Variants in CACNA1I observed in about 807,000 individuals in gnomAD.
CACNA1I encodes calcium voltage-gated channel subunit alpha1 I.
Under a neutral mutation model 201.6 loss-of-function variants are expected in CACNA1I, and 74 were observed. That is an observed-to-expected ratio of 0.37 (90% CI 0.30 to 0.45). The LOEUF (loss-of-function observed/expected upper bound fraction) is 0.45, where lower values mean the gene tolerates loss of function less well. CACNA1I is among the 20% of genes least tolerant of loss of function. CACNA1I has a pLI of 1.00. For synonymous variants in CACNA1I, 1,431 were observed against 1,345.2 expected (o/e 1.06, Z -1.40); for missense variants, 2,346 against 3,138.1 (o/e 0.75, Z 6.03).
chr22:39,630,381 G>A (rs535594245), intron 4 of CACNA1I, among the ~76,000 whole-genome samples: 15 of 152,352 alleles, frequency 9.8e-5, no homozygotes, highest in Admixed American at 3.3e-4. Context: ...TGAGCCTCAC[G>A]AGGACAGGGA....
At chr22:39,589,260 G>A (rs936764924) in intron 1 of CACNA1I, among the ~76,000 whole-genome samples, 2 of 152,146 alleles carry the variant, frequency 1.3e-5, no homozygotes, top group African/African-American at 4.8e-5. Context: ...TAACACAGAC[G>A]TGCCTGTTCT....
In CACNA1I at chr22:39,616,492, C is replaced by T. The variant is rs543968447; in HGVS notation, c.483-2818C>T. Reference sequence around the variant, plus strand: ...GAAAACACTCTTTGTCGGCTGGGCACGGTGGCTCACGCCTGTAATCCCAGC... The same window carrying T: ...GAAAACACTCTTTGTCGGCTGGGCATGGTGGCTCACGCCTGTAATCCCAGC... On this transcript the variant is annotated intron_variant, in intron 3 of 36. Transcript: ENST00000402142. Among the ~76,000 whole-genome samples the T allele has an allele frequency of 6.6e-4, 101 of 152,160 alleles. 1 individual carries two copies. The highest frequency in any genetic ancestry group is 2.2e-3 in the African/African-American group (92 of 41,502).
Position 39,684,964 on chromosome 22 carries a change from G to C in CACNA1I, c.6027+466G>C, listed in dbSNP as rs1399858765. Reference sequence around the variant, plus strand: ...AGGGTCCCCCGTACTGGATTGGCCAGGGCCACAGCCCTCCTACCCACGGGC... The same window carrying C: ...AGGGTCCCCCGTACTGGATTGGCCACGGCCACAGCCCTCCTACCCACGGGC... On this transcript the variant is annotated intron_variant, in intron 36 of 36. Transcript: ENST00000402142. The surrounding 1 kb of genome is among the most constrained non-coding windows in gnomAD (Gnocchi z 4.6). 2 of 264,098 alleles carry C rather than the reference G, an allele frequency of 7.6e-6. No individual in the cohort carries two copies. Among genetic ancestry groups the C allele is most frequent in the Non-Finnish European group, 1.4e-5 (2 of 138,622 alleles). 16.4% of individuals were successfully genotyped at this position (264,098 alleles called of 1,614,324 possible). A position where few individuals can be genotyped will look rare whatever the true frequency, so the allele number is the denominator to read the frequency against.
At chr22:39,641,674 C>G (rs1350900098) in intron 6 of CACNA1I, among the ~76,000 whole-genome samples, 2 of 152,246 alleles carry the variant, frequency 1.3e-5, no homozygotes, top group Non-Finnish European at 2.9e-5. Flanking sequence ...CGCCTTGTCA[C>G]CCAGTGCACA....
At position 39,598,215 on chromosome 22, in the gene CACNA1I, C is replaced by A; in HGVS notation, c.301C>A (p.Pro101Thr). 6.2e-7 allele frequency: 1 copy of A among 1,608,972 alleles called. No homozygotes were observed. ...LNCVTLGMYQ[P>T]CDDMDCLSDR... Reference sequence around the variant, plus strand: ...CTGCGTGACACTTGGCATGTACCAGCCGTGCGACGACATGGACTGCCTGTC... The same window carrying A: ...CTGCGTGACACTTGGCATGTACCAGACGTGCGACGACATGGACTGCCTGTC... The change falls in exon 2 of 37, where the codon CCG becomes ACG. Residue 101 changes from proline (P) to threonine (T), a missense_variant. By Grantham distance (38) the Pro-to-Thr change is conservative. Around this residue, in one of 13 missense-constraint regions of CACNA1I, gnomAD observed 130 missense variants for 160.7 expected, o/e 0.81. Coordinates refer to ENST00000402142, the MANE Select transcript of CACNA1I (RefSeq NM_021096.4).
chr22:39,682,428 C>A, intron 34 of CACNA1I, 68 bp from the exon 35 acceptor site: 1 of 1,401,056 alleles, frequency 7.1e-7, no homozygotes, highest in Admixed American at 1.8e-5. Context: ...TGGAGCAGGT[C>A]ATGAGGTACC....
chr22:39,622,229 C>T (rs1261999846), intron 4 of CACNA1I, among the ~76,000 whole-genome samples: 2 of 152,146 alleles, frequency 1.3e-5, no homozygotes, highest in Non-Finnish European at 2.9e-5. Flanking sequence ...GTGTACTGAG[C>T]TGTGTACTGT....
intron 1 of CACNA1I, among the ~76,000 whole-genome samples, chr22:39,576,244 C>G (rs1932346530): frequency 6.6e-6 from 1 of 152,246 alleles, no homozygotes. Context: ...GTGTGTCCAG[C>G]ACAAAAATGT....
chr22:39,596,425 A>G (rs1932894869), intron 1 of CACNA1I, among the ~76,000 whole-genome samples: 1 of 43,578 alleles, frequency 2.3e-5, no homozygotes, highest in Admixed American at 2.9e-4. Context: ...GGGCGGAGGG[A>G]GATGGGGGGG....
At chr22:39,663,906 C>T in intron 19 of CACNA1I, 65 bp downstream of exon 19, 1 of 1,600,424 alleles carries the variant, frequency 6.2e-7, no homozygotes, top group Non-Finnish European at 8.5e-7. Context: ...CAGGGCTGAG[C>T]AGGGCAGGGA....
Position 39,659,878 on chromosome 22 carries a change from C to T in CACNA1I, c.2604+26C>T. ...GTGACTGTGGTCTTGGCAGAGGAAG[C>T]ACCCCCACAGGGTCTGCGAAAGACT... On this transcript the variant is annotated intron_variant, in intron 14 of 36. Transcript: ENST00000402142. The surrounding 1 kb of genome is among the most constrained non-coding windows in gnomAD (Gnocchi z 4.3). 3 of 1,613,300 alleles carry T rather than the reference C, an allele frequency of 1.9e-6. No individual in the cohort carries two copies. The highest frequency in any genetic ancestry group is 1.1e-5 in the South Asian group (1 of 91,066).
In CACNA1I at chr22:39,598,941, GTT is replaced by G. The variant is rs3044380; in HGVS notation, c.348+702_348+703del. ...GGAGGCATTGCTTTCTGCCTCTTGG[GTT>G]TTTTTTTTTTTTTTTTTTTTTTGAG... On this transcript the variant is annotated intron_variant, in intron 2 of 36. Coordinates refer to ENST00000402142, the MANE Select transcript of CACNA1I (RefSeq NM_021096.4). 5.6e-3 allele frequency among the ~76,000 whole-genome samples: 380 copies of G among 68,228 alleles called. 2 individuals are homozygous for G. Among genetic ancestry groups the G allele is most frequent in the East Asian group, 0.02 (44 of 2,178 alleles). The allele number at this position is 68,228 out of a possible 152,430, so 44.8% of individuals were successfully genotyped here.
At chr22:39,656,028 A>G (rs1383904173) in intron 10 of CACNA1I, among the ~76,000 whole-genome samples, 1 of 152,106 alleles carries the variant, frequency 6.6e-6, no homozygotes, top group South Asian at 2.1e-4. Context: ...GCTGGCTCTG[A>G]GCAGCATCTG....
intron 10 of CACNA1I, 92 bp downstream of exon 10, chr22:39,650,017 G>A: frequency 7.3e-7 from 1 of 1,373,140 alleles, no homozygotes; most frequent in South Asian, 1.2e-5. Flanking sequence ...CATCTGCCTG[G>A]GTTTGTGTGT....
intron 1 of CACNA1I, among the ~76,000 whole-genome samples, chr22:39,597,833 C>G (rs1932924585): frequency 6.6e-6 from 1 of 152,158 alleles, no homozygotes; most frequent in African/African-American, 2.4e-5. Context: ...CTGGGACAGC[C>G]CAGAGTTCCC....
chr22:39,583,844 A>G (rs1054495652), intron 1 of CACNA1I, among the ~76,000 whole-genome samples: 1 of 152,258 alleles, frequency 6.6e-6, no homozygotes, highest in Non-Finnish European at 1.5e-5. Flanking sequence ...GATGGGTTCC[A>G]TGTTCCAAGA....
chr22:39,628,115 T>G (rs1465595582), intron 4 of CACNA1I, among the ~76,000 whole-genome samples: 1 of 152,062 alleles, frequency 6.6e-6, no homozygotes, highest in Non-Finnish European at 1.5e-5. Flanking sequence ...GTTCTACAAA[T>G]CCGGAGGGAG....
chr22:39,679,473 G>T, intron 32 of CACNA1I, 28 bp downstream of exon 32: 1 of 1,372,374 alleles, frequency 7.3e-7, no homozygotes, highest in Non-Finnish European at 9.5e-7. Context: ...AGGTGTGAGG[G>T]TCGCCAGAGG....
At position 39,578,651 on chromosome 22, in the gene CACNA1I, G is replaced by A. The variant is rs116322739; in HGVS notation, c.236+7663G>A. 6.9e-3 allele frequency among the ~76,000 whole-genome samples: 1,047 copies of A among 151,554 alleles called. 10 individuals carry two copies. Among genetic ancestry groups the A allele is most frequent in the East Asian group, 0.026 (133 of 5,080 alleles). On this transcript the variant is annotated intron_variant, in intron 1 of 36. Coordinates refer to ENST00000402142, the MANE Select transcript of CACNA1I (RefSeq NM_021096.4). ...GTCTGCTGTCAAGTGCTGTGTACCCGGAGGGGCTGCTGTCCCAGCCCTGCT... is the reference window on the plus strand; with the variant it reads ...GTCTGCTGTCAAGTGCTGTGTACCCAGAGGGGCTGCTGTCCCAGCCCTGCT...
Sources: gnomAD v4.1 joint callset for allele counts (sites outside exome capture counted in the v4.1 genomes callset) on GRCh38, gnomAD v4.1.1 for gene constraint, gnomAD v4.1.1 regional missense constraint, Gnocchi (gnomAD v3.1) non-coding constraint, MANE v1.5 for transcripts, NCBI Gene and HGNC (gene_info 2026-07-23, HGNC 2026-07-21) for gene names.